The following GUCY2C variants were observed in gnomAD, a reference collection of about 807,000 sequenced individuals.
GUCY2C encodes the protein guanylate cyclase 2C, also known as guanylyl cyclase C.
GUCY2C carries 118 observed loss-of-function variants against 131.1 expected under a neutral mutation model. That is an observed-to-expected ratio of 0.90 (90% CI 0.78 to 1.05). The LOEUF is 1.05. Among genes scored for constraint, GUCY2C ranks in the 50% least tolerant of loss-of-function variants. The probability of loss-of-function intolerance (pLI) is 0.00; values close to 1 mark genes in which losing one functional copy is unlikely to be tolerated. For missense variants in GUCY2C, 1,161 were observed against 1,304.4 expected (o/e 0.89, Z 1.69); for synonymous variants, 452 against 457.8 (o/e 0.99, Z 0.16).
chr12:14,660,660 A>T (rs1220792524), intron 11 of GUCY2C, among the ~76,000 whole-genome samples: 2 of 152,166 alleles, frequency 1.3e-5, no homozygotes, highest in East Asian at 3.9e-4. Context: ...TCCATTTCTA[A>T]TCCTTACAAC....
intron 11 of GUCY2C, among the ~76,000 whole-genome samples, chr12:14,656,998 C>T (rs549454788): frequency 1.3e-5 from 2 of 152,198 alleles, no homozygotes; most frequent in African/African-American, 2.4e-5. Flanking sequence ...GTAGGGTTCA[C>T]GCTCCTATGA....
chr12:14,665,471 G>A (rs1347310629), intron 10 of GUCY2C, among the ~76,000 whole-genome samples: 1 of 152,198 alleles, frequency 6.6e-6, no homozygotes, highest in Non-Finnish European at 1.5e-5. Context: ...AAGTAACTTG[G>A]ACTGTATTCT....
At position 14,687,975 on chromosome 12, in the gene GUCY2C, G is replaced by T. The variant is rs1358192705; in HGVS notation, c.306C>A (p.Gly102=). The T allele has an allele frequency of 1.2e-6, 2 of 1,609,776 alleles. No individual in the cohort carries two copies. The highest frequency in any genetic ancestry group is 4.5e-5 in the East Asian group (2 of 44,876). ...CTGAAATTTTCCTGAGTAGGTCGAG[G>T]CCTTCACAGGTGCTACTCCGGCAGT... is the stretch of plus-strand genomic sequence containing the variant. The part of the protein sequence containing the change: ...SGDCRSSTCE[G]LDLLRKISNA... The change falls in exon 2 of 27, where the codon GGC becomes GGA. Residue 102 remains glycine, a synonymous_variant. Transcript: ENST00000261170.
chr12:14,629,209 TA>T (rs1947091802), intron 19 of GUCY2C, among the ~76,000 whole-genome samples: 1 of 151,480 alleles, frequency 6.6e-6, no homozygotes, highest in African/African-American at 2.4e-5. Flanking sequence ...CATGACAAAA[TA>T]ACGAAGGAAT....
At chr12:14,631,413 G>A (rs1027097610) in intron 19 of GUCY2C, among the ~76,000 whole-genome samples, 1 of 142,874 alleles carries the variant, frequency 7.0e-6, no homozygotes, top group Non-Finnish European at 1.5e-5. Context: ...CCCAGAGTGT[G>A]ATGTTCCCCT....
intron 10 of GUCY2C, among the ~76,000 whole-genome samples, chr12:14,669,506 A>C (rs901416352): frequency 6.6e-6 from 1 of 152,106 alleles, no homozygotes; most frequent in Non-Finnish European, 1.5e-5. Flanking sequence ...ATAAGCCACC[A>C]TGCCTGGCCA....
chr12:14,639,049 C>A (rs748528853), intron 19 of GUCY2C, among the ~76,000 whole-genome samples: 1 of 152,196 alleles, frequency 6.6e-6, no homozygotes, highest in South Asian at 2.1e-4. Context: ...GTAATCCCAG[C>A]GCTTTGGGAG....
At chr12:14,679,515 TGTGACAGA>T (rs1322107863) in intron 6 of GUCY2C, 134 bp downstream of exon 6, 1 of 587,314 alleles carries the variant, frequency 1.7e-6, no homozygotes, top group Non-Finnish European at 3.1e-6. Context: ...AGAATGACAG[TGTGACAGA>T]GTTCAAATAT....
intron 5 of GUCY2C, among the ~76,000 whole-genome samples, chr12:14,680,866 C>G (rs1020583626): frequency 6.6e-6 from 1 of 152,090 alleles, no homozygotes; most frequent in African/African-American, 2.4e-5. Flanking sequence ...TGGTAGATCA[C>G]TGGGCAGGTG....
At chr12:14,631,057 T>C (rs1014146814) in intron 19 of GUCY2C, among the ~76,000 whole-genome samples, 28 of 151,914 alleles carry the variant, frequency 1.8e-4, no homozygotes, top group Non-Finnish European at 2.5e-4. Flanking sequence ...ACTATTACTA[T>C]TGAAAAAGAA....
intron 21 of GUCY2C, among the ~76,000 whole-genome samples, chr12:14,625,276 A>C (rs1310179055): frequency 6.6e-6 from 1 of 152,070 alleles, no homozygotes; most frequent in African/African-American, 2.4e-5. Flanking sequence ...TGACCTTCAG[A>C]ACATTACTTA....
At chr12:14,662,447 G>A (rs1045064923) in intron 10 of GUCY2C, among the ~76,000 whole-genome samples, 1 of 151,984 alleles carries the variant, frequency 6.6e-6, no homozygotes, top group Non-Finnish European at 1.5e-5. Context: ...GGGGCTGAGG[G>A]GCCGATCACC....
intron 11 of GUCY2C, among the ~76,000 whole-genome samples, chr12:14,657,260 T>A (rs1021426709): frequency 1.3e-5 from 2 of 151,986 alleles, no homozygotes; most frequent in Non-Finnish European, 2.9e-5. Flanking sequence ...AGGAAAAAAA[T>A]GTAAAGTTGG....
At chr12:14,635,243 A>T (rs1947240646) in intron 19 of GUCY2C, among the ~76,000 whole-genome samples, 1 of 152,320 alleles carries the variant, frequency 6.6e-6, no homozygotes, top group South Asian at 2.1e-4. Context: ...ATTTATAAAG[A>T]ACCAGAATTA....
Position 14,688,756 on chromosome 12 carries a change from G to A in GUCY2C, c.218-693C>T, listed in dbSNP as rs550796569. 8.5e-5 allele frequency among the ~76,000 whole-genome samples: 13 copies of A among 152,314 alleles called. No homozygotes were observed. The South Asian group carries it at 2.7e-3, about 32-fold the overall frequency. On this transcript the variant is annotated intron_variant, in intron 1 of 26. Transcript: ENST00000261170. Reference sequence around the variant, plus strand: ...GATAGGGTGGTCATGGAAGCCCTAGGGGGAGCTGGGACCTGCGTGAAGACT... The same window carrying A: ...GATAGGGTGGTCATGGAAGCCCTAGAGGGAGCTGGGACCTGCGTGAAGACT...
intron 1 of GUCY2C, among the ~76,000 whole-genome samples, chr12:14,688,497 A>G (rs934811314): frequency 2.0e-5 from 3 of 152,132 alleles, no homozygotes; most frequent in African/African-American, 7.2e-5. Context: ...AAAGACATAA[A>G]CATTATGATA....
Position 14,651,436 on chromosome 12 carries a change from T to C in GUCY2C, c.1681A>G (p.Ile561Val). Residue 561 changes from isoleucine to valine, a missense_variant, in exon 15 of 27, where the codon ATA (isoleucine) becomes GTA (valine). Coordinates refer to ENST00000261170, the MANE Select transcript of GUCY2C (RefSeq NM_004963.4). ...AGGGATCCTCTCTCACAGTATTCTATCACCCCGAAGATCATGGTATCAAGT... is the reference window on the plus strand; with the variant it reads ...AGGGATCCTCTCTCACAGTATTCTACCACCCCGAAGATCATGGTATCAAGT... ...VKLDTMIFGV[I>V]EYCERGSLRE... The C allele has an allele frequency of 2.5e-6, 4 of 1,595,730 alleles. No homozygotes were observed. Among genetic ancestry groups the C allele is most frequent in the Non-Finnish European group, 3.4e-6 (4 of 1,163,246 alleles).
At chr12:14,655,944 C>A (rs1947753703) in intron 12 of GUCY2C, among the ~76,000 whole-genome samples, 1 of 152,132 alleles carries the variant, frequency 6.6e-6, no homozygotes, top group South Asian at 2.1e-4. Context: ...GTTTCTTAAT[C>A]TTTTGTCCTT....
intron 1 of GUCY2C, among the ~76,000 whole-genome samples, chr12:14,694,640 C>T (rs1258632650): frequency 6.6e-6 from 1 of 152,166 alleles, no homozygotes; most frequent in Non-Finnish European, 1.5e-5. Context: ...CCTCCTTGTT[C>T]CATTATGGCT....
Sources: allele counts gnomAD v4.1 joint callset (sites outside exome capture counted in the v4.1 genomes callset), GRCh38; gene constraint gnomAD v4.1.1; transcripts MANE v1.5; gene names NCBI Gene and HGNC (gene_info 2026-07-23, HGNC 2026-07-21).